Variants in CPQ observed in about 807,000 individuals in gnomAD.
CPQ encodes Ser-Met dipeptidase.
CPQ carries 37 observed loss-of-function variants against 45.7 expected under a neutral mutation model. That is an observed-to-expected ratio of 0.81 (90% CI 0.62 to 1.07). CPQ has a LOEUF of 1.07. CPQ is among the 50% of genes least tolerant of loss of function. CPQ has a pLI of 0.00. For missense variants in CPQ, 537 were observed against 572.9 expected, an observed-to-expected ratio of 0.94 and a Z score of 0.64; for synonymous variants, 186 against 205.8, an observed-to-expected ratio of 0.90 and a Z score of 0.82.
chr8:96,961,840 G>A (rs1813465780), intron 4 of CPQ, among the ~76,000 whole-genome samples: 2 of 152,126 alleles, frequency 1.3e-5, no homozygotes, highest in African/African-American at 4.8e-5. Flanking sequence ...TCTTGCATTA[G>A]CTCATTTTCC....
chr8:96,956,633 A>G (rs1813362194), intron 4 of CPQ, among the ~76,000 whole-genome samples: 1 of 152,140 alleles, frequency 6.6e-6, no homozygotes, highest in African/African-American at 2.4e-5. Flanking sequence ...TAGATACAAA[A>G]CTAGTTAACA....
chr8:96,838,755 GGATGT>G (rs1811565768), intron 3 of CPQ, among the ~76,000 whole-genome samples: 1 of 152,064 alleles, frequency 6.6e-6, no homozygotes, highest in East Asian at 1.9e-4. Flanking sequence ...ATTTGTCTGA[GGATGT>G]AGAGTAAATC....
rs559202542 is a variant in CPQ, at chr8:96,933,896, C to A, written c.850-32039C>A. 2.0e-5 allele frequency among the ~76,000 whole-genome samples: 3 copies of A among 152,250 alleles called. No homozygotes were observed. The East Asian group carries it at 5.8e-4, about 29-fold the overall frequency. ...CTTAGCTCTGTGGCCTTGAGCAAATCACTTGGCTTCTCTGTGCCTCATCTA... is the reference window on the plus strand; with the variant it reads ...CTTAGCTCTGTGGCCTTGAGCAAATAACTTGGCTTCTCTGTGCCTCATCTA... On this transcript the variant is annotated intron_variant, in intron 4 of 7. Coordinates refer to ENST00000220763, the MANE Select transcript of CPQ (RefSeq NM_016134.4).
intron 3 of CPQ, among the ~76,000 whole-genome samples, chr8:96,856,312 G>A (rs1344806425): frequency 1.3e-5 from 2 of 152,166 alleles, no homozygotes; most frequent in Non-Finnish European, 2.9e-5. Context: ...TGGTAGCTGT[G>A]GAGACAGTGG....
At chr8:96,805,670 T>A (rs964495330) in intron 2 of CPQ, among the ~76,000 whole-genome samples, 2 of 152,128 alleles carry the variant, frequency 1.3e-5, no homozygotes, top group African/African-American at 2.4e-5. Flanking sequence ...AATCACAGAG[T>A]TTGATTCCAT....
intron 6 of CPQ, among the ~76,000 whole-genome samples, chr8:97,032,607 A>C (rs1378493868): frequency 6.6e-6 from 1 of 152,182 alleles, no homozygotes; most frequent in Non-Finnish European, 1.5e-5. Context: ...CTGGCTTTCT[A>C]AACACTTTAG....
chr8:96,769,272 T>C (rs560693274), intron 1 of CPQ, among the ~76,000 whole-genome samples: 1 of 152,326 alleles, frequency 6.6e-6, no homozygotes, highest in African/African-American at 2.4e-5. Flanking sequence ...TTAGAATCCC[T>C]TTTCCTTTCT....
intron 7 of CPQ, among the ~76,000 whole-genome samples, chr8:97,082,294 A>G (rs892721089): frequency 3.3e-5 from 5 of 152,108 alleles, no homozygotes; most frequent in Non-Finnish European, 5.9e-5. Flanking sequence ...AGCTCAAGAC[A>G]TATCTTTTCA....
chr8:97,082,253 TC>T (rs1184299282), intron 7 of CPQ, among the ~76,000 whole-genome samples: 3 of 152,026 alleles, frequency 2.0e-5, no homozygotes, highest in Non-Finnish European at 4.4e-5. Flanking sequence ...CAGCCCAACT[TC>T]CCCCCTTGGG....
chr8:96,692,951 G>C (rs1325159335), intron 1 of CPQ, among the ~76,000 whole-genome samples: 5 of 151,900 alleles, frequency 3.3e-5, no homozygotes, highest in Admixed American at 1.3e-4. Context: ...CATTGATAAG[G>C]AATTCAGAAT....
chr8:96,962,876 T>C (rs1452464946), intron 4 of CPQ, among the ~76,000 whole-genome samples: 1 of 152,042 alleles, frequency 6.6e-6, no homozygotes, highest in Non-Finnish European at 1.5e-5. Context: ...TTACTACTAC[T>C]ATTTCATTGT....
chr8:96,771,897 G>C (rs944555794), intron 1 of CPQ, among the ~76,000 whole-genome samples: 2 of 151,926 alleles, frequency 1.3e-5, no homozygotes, highest in Non-Finnish European at 2.9e-5. Context: ...CCTACTAACT[G>C]TCGGTTCAAT....
chr8:97,078,792 T>TCTCC, intron 7 of CPQ, among the ~76,000 whole-genome samples: 1 of 146,300 alleles, frequency 6.8e-6, no homozygotes, highest in Middle Eastern at 3.5e-3. Context: ...TCTCTCTCTC[T>TCTCC]CTCTCTCTCT....
At chr8:96,935,286 C>T (rs1446846930) in intron 4 of CPQ, among the ~76,000 whole-genome samples, 1 of 152,142 alleles carries the variant, frequency 6.6e-6, no homozygotes, top group Non-Finnish European at 1.5e-5. Flanking sequence ...ATCTTGGCAT[C>T]CCAAGAAACA....
chr8:97,033,413 T>C (rs1211110551), intron 6 of CPQ, among the ~76,000 whole-genome samples: 1 of 152,208 alleles, frequency 6.6e-6, no homozygotes, highest in African/African-American at 2.4e-5. Context: ...AAATATTAAC[T>C]ATCTGGGTCT....
intron 5 of CPQ, among the ~76,000 whole-genome samples, chr8:97,001,992 T>C (rs182713499): frequency 5.9e-4 from 90 of 152,160 alleles, no homozygotes; most frequent in Middle Eastern, 3.4e-3. Flanking sequence ...GGTTCAGTCT[T>C]GGGAGGGTGT....
intron 3 of CPQ, among the ~76,000 whole-genome samples, chr8:96,862,107 G>T (rs141791219): frequency 2.6e-5 from 4 of 152,184 alleles, no homozygotes; most frequent in African/African-American, 9.6e-5. Context: ...AGCAGTGTGT[G>T]TTATAGGAGA....
chr8:97,048,759 A>G (rs1316421746), intron 6 of CPQ, among the ~76,000 whole-genome samples: 1 of 152,224 alleles, frequency 6.6e-6, no homozygotes, highest in Non-Finnish European at 1.5e-5. Flanking sequence ...AGAATGAAGG[A>G]CATATTCAAA....
intron 3 of CPQ, among the ~76,000 whole-genome samples, chr8:96,860,707 G>T (rs953950828): frequency 1.3e-5 from 2 of 152,136 alleles, no homozygotes; most frequent in African/African-American, 4.8e-5. Context: ...TCACTTCAGG[G>T]TGGAATTAAG....
Sources: gnomAD v4.1 joint callset for allele counts (sites outside exome capture counted in the v4.1 genomes callset) on GRCh38, gnomAD v4.1.1 for gene constraint, MANE v1.5 for transcripts, NCBI Gene and HGNC (gene_info 2026-07-23, HGNC 2026-07-21) for gene names.